The following ARMH4 variants were observed in gnomAD, a reference collection of about 807,000 sequenced individuals.
ARMH4 encodes the protein armadillo-like helical domain-containing protein 4.
In ARMH4, 49 loss-of-function variants were observed where a neutral mutation model predicts 61.9. The ratio of observed to expected loss-of-function variants is 0.79; its 90% confidence interval spans 0.63 to 1.00. The LOEUF is 1.00. Ranked by LOEUF, ARMH4 falls within the 50% of genes least tolerant of loss-of-function variation. The pLI is 0.00. For synonymous variants in ARMH4, 368 were observed against 341.5 expected, an observed-to-expected ratio of 1.08 and a Z score of -0.85; for missense variants, 934 against 930.0, an observed-to-expected ratio of 1.00 and a Z score of -0.06.
intron 5 of ARMH4, among the ~76,000 whole-genome samples, chr14:58,056,349 C>T (rs894230561): frequency 6.6e-6 from 1 of 152,230 alleles, no homozygotes; most frequent in Non-Finnish European, 1.5e-5. Context: ...AATCAACCAA[C>T]TTACATATAC....
intron 4 of ARMH4, among the ~76,000 whole-genome samples, chr14:58,114,859 T>C (rs1418084626): frequency 6.6e-6 from 1 of 152,180 alleles, no homozygotes; most frequent in African/African-American, 2.4e-5. Flanking sequence ...CACTATTCAA[T>C]AAATGATGCT....
At chr14:58,068,221 T>C (rs1196508512) in intron 5 of ARMH4, among the ~76,000 whole-genome samples, 1 of 152,174 alleles carries the variant, frequency 6.6e-6, no homozygotes, top group Non-Finnish European at 1.5e-5. Flanking sequence ...TATCAGTTAA[T>C]TCTGTCTACC....
At chr14:58,011,000 T>C (rs1882388213) in intron 6 of ARMH4, among the ~76,000 whole-genome samples, 3 of 152,124 alleles carry the variant, frequency 2.0e-5, no homozygotes, top group Non-Finnish European at 1.5e-5. Context: ...ATATATCCAG[T>C]TCTAAACTTT....
intron 5 of ARMH4, among the ~76,000 whole-genome samples, chr14:58,074,307 T>A (rs1884976396): frequency 6.6e-6 from 1 of 152,140 alleles, no homozygotes; most frequent in South Asian, 2.1e-4. Flanking sequence ...ACAAGTGGAG[T>A]TGTACCCTAA....
At chr14:58,065,400 G>C (rs1884671929) in intron 5 of ARMH4, among the ~76,000 whole-genome samples, 1 of 152,238 alleles carries the variant, frequency 6.6e-6, no homozygotes, top group Admixed American at 6.5e-5. Context: ...ATTCCTCGAA[G>C]AACCTCACTG....
chr14:58,045,986 C>A (rs911125353), intron 5 of ARMH4, among the ~76,000 whole-genome samples: 2 of 152,164 alleles, frequency 1.3e-5, no homozygotes, highest in African/African-American at 4.8e-5. Context: ...ACAGGCTCTC[C>A]CTCAGCCTCA....
chr14:58,050,628 TTC>T (rs1407357804), intron 5 of ARMH4, among the ~76,000 whole-genome samples: 1 of 152,096 alleles, frequency 6.6e-6, no homozygotes, highest in Non-Finnish European at 1.5e-5. Context: ...GCCTCTTTTT[TTC>T]TGTTTTATTG....
chr14:58,151,715 G>A (rs992575272), intron 1 of ARMH4, among the ~76,000 whole-genome samples: 4 of 152,204 alleles, frequency 2.6e-5, no homozygotes, highest in Non-Finnish European at 5.9e-5. Flanking sequence ...CGAGCGGAGG[G>A]AGAAAGAGAA....
At chr14:58,061,328 C>T (rs539352691) in intron 5 of ARMH4, among the ~76,000 whole-genome samples, 2 of 152,254 alleles carry the variant, frequency 1.3e-5, no homozygotes, top group African/African-American at 2.4e-5. Flanking sequence ...CACCAGAATC[C>T]AATTCCTATA....
At chr14:58,058,640 T>C (rs1461603061) in intron 5 of ARMH4, among the ~76,000 whole-genome samples, 1 of 152,192 alleles carries the variant, frequency 6.6e-6, no homozygotes, top group Non-Finnish European at 1.5e-5. Flanking sequence ...TAATGCATTA[T>C]AATTACAGTA....
At chr14:58,087,987 TTC>T (rs1376491945) in intron 5 of ARMH4, among the ~76,000 whole-genome samples, 1 of 152,240 alleles carries the variant, frequency 6.6e-6, no homozygotes, top group Non-Finnish European at 1.5e-5. Context: ...TTCTAATGAA[TTC>T]TGTGTTTGTA....
chr14:58,148,562 C>T lies in ARMH4; in HGVS notation c.-57+3513G>A, dbSNP rs75062790. Among the ~76,000 whole-genome samples the T allele has an allele frequency of 8.7e-3, 1,316 of 152,112 alleles. 99 individuals are homozygous for T. In the East Asian group the frequency reaches 0.2, roughly 23 times the overall value. On this transcript the variant is annotated intron_variant, in intron 1 of 7. Coordinates refer to ENST00000267485, the MANE Select transcript of ARMH4 (RefSeq NM_001001872.4). ...TAGTCTTTACCATTCCTTTGTTTGC[C>T]ACATAATTAGTAATAAGGGTAGGCA...
chr14:58,071,402 C>T (rs1283088560), intron 5 of ARMH4, among the ~76,000 whole-genome samples: 2 of 151,962 alleles, frequency 1.3e-5, no homozygotes, highest in Non-Finnish European at 2.9e-5. Context: ...GAGCAAATAC[C>T]GATAGAATAA....
chr14:58,011,765 G>GAAA (rs745515042), intron 6 of ARMH4, among the ~76,000 whole-genome samples: 6 of 95,622 alleles, frequency 6.3e-5, no homozygotes, highest in African/African-American at 1.3e-4. Flanking sequence ...TCTCATATTA[G>GAAA]AAAAAAAAAA....
chr14:58,053,452 A>C (rs560672006), intron 5 of ARMH4, among the ~76,000 whole-genome samples: 85 of 152,158 alleles, frequency 5.6e-4, no homozygotes, highest in African/African-American at 2.0e-3. Flanking sequence ...CCTTCTCTGA[A>C]GTCTTCAAAA....
chr14:58,075,343 T>G (rs1885012817), intron 5 of ARMH4, among the ~76,000 whole-genome samples: 2 of 152,168 alleles, frequency 1.3e-5, no homozygotes, highest in Admixed American at 6.5e-5. Flanking sequence ...TAGCAAAGAC[T>G]TGGAACCACC....
intron 5 of ARMH4, among the ~76,000 whole-genome samples, chr14:58,030,971 A>AT (rs1277766066): frequency 1.3e-5 from 2 of 152,082 alleles, no homozygotes; most frequent in Admixed American, 6.5e-5. Context: ...TCTGCTTTCA[A>AT]TTTTTTTGTA....
intron 4 of ARMH4, among the ~76,000 whole-genome samples, chr14:58,115,845 G>C (rs1322463336): frequency 6.6e-6 from 1 of 152,090 alleles, no homozygotes; most frequent in East Asian, 1.9e-4. Context: ...CTTGTAAGTG[G>C]GAGCTAAACA....
chr14:58,131,226 C>A (rs925085399), intron 4 of ARMH4: 21 of 342,616 alleles, frequency 6.1e-5, no homozygotes, highest in African/African-American at 4.0e-4. Flanking sequence ...TCCAATATAG[C>A]TTTATTTATG....
Sources: gnomAD v4.1 joint callset for allele counts (sites outside exome capture counted in the v4.1 genomes callset) on GRCh38, gnomAD v4.1.1 for gene constraint, MANE v1.5 for transcripts, NCBI Gene and HGNC (gene_info 2026-07-23, HGNC 2026-07-21) for gene names.